The following IRF4 variants were observed in gnomAD, a reference collection of about 807,000 sequenced individuals.
IRF4 encodes lymphocyte-specific interferon regulatory factor.
Under a neutral mutation model 55.5 loss-of-function variants are expected in IRF4, and 13 were observed. The ratio of observed to expected loss-of-function variants is 0.23; its 90% CI spans 0.15 to 0.37. The LOEUF (loss-of-function observed/expected upper bound fraction) is 0.37, where lower values mean the gene tolerates loss of function less well. Among genes scored for constraint, IRF4 ranks in the 10% least tolerant of loss-of-function variants. The pLI is 1.00. For missense variants in IRF4, 397 were observed against 593.8 expected (o/e 0.67, Z 3.44); for synonymous variants, 249 against 240.7 (o/e 1.03, Z -0.32).
rs1263857437 is a variant in IRF4, at chr6:407,930, A to G, written c.*332A>G. The stretch of plus-strand genomic sequence containing the variant: ...AGCGGTTGAGGAGAATTGCGGCGAG[A>G]CAAGCATGGAAAATCAGTGACATCT... On this transcript the variant is annotated 3_prime_UTR_variant, in exon 9 of 9. Coordinates refer to ENST00000380956, the MANE Select transcript of IRF4 (RefSeq NM_002460.4). 2 of 320,398 alleles carry G rather than the reference A, an allele frequency of 6.2e-6. No individual in the cohort carries two copies. Among genetic ancestry groups the G allele is most frequent in the African/African-American group, 2.2e-5 (1 of 46,376 alleles). The allele number at this position is 320,398 out of a possible 1,614,324, so 19.8% of individuals were successfully genotyped here.
chr6:392,912 C>T (rs1056268153), intron 1 of IRF4, among the ~76,000 whole-genome samples, 186 bp from the exon 2 acceptor site: 4 of 151,446 alleles, frequency 2.6e-5, no homozygotes, highest in Non-Finnish European at 5.9e-5. Context: ...TGTGCCCGCC[C>T]AGGGGATGCG....
chr6:406,706 A>G (rs942517517), intron 8 of IRF4: 25 of 900,796 alleles, frequency 2.8e-5, no homozygotes, highest in Non-Finnish European at 3.6e-5. Flanking sequence ...TAAAATGAAT[A>G]AACACACGTG....
At position 408,005 on chromosome 6, in the gene IRF4, G is replaced by A. The variant is rs914246513; in HGVS notation, c.*407G>A. On this transcript the variant is annotated 3_prime_UTR_variant, in exon 9 of 9. Transcript: ENST00000380956. Reference sequence around the variant, plus strand: ...AAGGAAGGGTGGCTTTGCATTTCTTGTGTTCTGTAGACTGCCATCATTGAT... The same window carrying A: ...AAGGAAGGGTGGCTTTGCATTTCTTATGTTCTGTAGACTGCCATCATTGAT... The A allele has an allele frequency of 6.9e-6, 2 of 290,880 alleles. No homozygotes were observed. Among genetic ancestry groups the A allele is most frequent in the Admixed American group, 5.1e-5 (1 of 19,694 alleles). The allele number at this position is 290,880 out of a possible 1,614,324, so 18.0% of individuals were successfully genotyped here.
At chr6:398,544 A>T (rs913659857) in intron 5 of IRF4, among the ~76,000 whole-genome samples, 9 of 152,252 alleles carry the variant, frequency 5.9e-5, no homozygotes, top group Non-Finnish European at 7.3e-5. Flanking sequence ...TCTGTCTCTG[A>T]GCCTCAGTCT....
Position 395,238 on chromosome 6 carries a change from T to TG in IRF4, c.403+240dup, listed in dbSNP as rs11369013. On this transcript the variant is annotated intron_variant, in intron 3 of 8. Transcript: ENST00000380956. The stretch of plus-strand genomic sequence containing the variant: ...ATCACACTGTATGCCTCAATGTATA[T>TG]GGGGGGGGGTGCATTGAATATGTGT... 0.11 allele frequency among the ~76,000 whole-genome samples: 15,673 copies of TG among 144,314 alleles called. 970 individuals are homozygous for TG. The highest frequency in any genetic ancestry group is 0.17 in the Middle Eastern group (48 of 288). 94.7% of individuals were successfully genotyped at this position (144,314 alleles called of 152,430 possible).
At chr6:404,676 G>A (rs1581230477) in intron 7 of IRF4, among the ~76,000 whole-genome samples, 1 of 152,202 alleles carries the variant, frequency 6.6e-6, no homozygotes, top group Admixed American at 6.5e-5. Flanking sequence ...TTGCCATTGC[G>A]TGACTACGTT....
intron 1 of IRF4, among the ~76,000 whole-genome samples, chr6:392,436 G>A (rs1159497163): frequency 6.6e-6 from 1 of 152,202 alleles, no homozygotes; most frequent in African/African-American, 2.4e-5. Context: ...TCCGGGGTCC[G>A]GCGGACGCTC....
At chr6:395,235 A>G (rs1015309436) in intron 3 of IRF4, among the ~76,000 whole-genome samples, 9 of 142,312 alleles carry the variant, frequency 6.3e-5, no homozygotes, top group Non-Finnish European at 1.0e-4. Flanking sequence ...GCCTCAATGT[A>G]TATGGGGGGG....
At chr6:407,431 T>G in intron 8 of IRF4, 24 bp from the exon 9 acceptor site, 1 of 1,589,614 alleles carries the variant, frequency 6.3e-7, no homozygotes, top group Non-Finnish European at 8.5e-7. Context: ...CTCAGTAATG[T>G]CTTTTTAAAA....
intron 1 of IRF4, chr6:392,013 C>T (rs901559257): frequency 8.3e-6 from 3 of 363,282 alleles, no homozygotes; most frequent in African/African-American, 6.3e-5. Context: ...AGGCCCGCCT[C>T]CTTGGCTCTG....
Position 410,373 on chromosome 6 carries a change from C to T in IRF4, c.*2775C>T, listed in dbSNP as rs1016121311. ...TCATTTACAACTGAAACCTAGGAAG[C>T]CCCTGAGTCCTGAGCGAAAACAGGA... is the stretch of plus-strand genomic sequence containing the variant. On this transcript the variant is annotated 3_prime_UTR_variant, in exon 9 of 9. Transcript: ENST00000380956. The T allele has an allele frequency of 7.4e-5, 17 of 228,296 alleles. No individual in the cohort carries two copies. The highest frequency in any genetic ancestry group is 4.4e-5 in the African/African-American group (2 of 45,098). The allele number at this position is 228,296 out of a possible 1,614,324, so 14.1% of individuals were successfully genotyped here. A position where few individuals can be genotyped will look rare whatever the true frequency, so the allele number is the denominator to read the frequency against.
intron 2 of IRF4, 106 bp from the exon 3 acceptor site, chr6:394,715 A>T (rs1270080306): frequency 7.6e-6 from 8 of 1,056,560 alleles, no homozygotes; most frequent in Non-Finnish European, 6.9e-6. Context: ...TCATCGTGCC[A>T]CTGTACTCTA....
Position 409,225 on chromosome 6 carries a change from CATT to C in IRF4, c.*1631_*1633del, listed in dbSNP as rs1761628676. On this transcript the variant is annotated 3_prime_UTR_variant, in exon 9 of 9. Transcript: ENST00000380956. ...GCTTAGTGAGCAGTGAGCACTGAAA[CATT>C]ATTTTTTAATGTTTAAAAAGTTTCT... The C allele has an allele frequency of 5.0e-6, 1 of 198,962 alleles. No homozygotes were observed. The highest frequency in any genetic ancestry group is 7.7e-5 in the East Asian group (1 of 12,914). The allele number at this position is 198,962 out of a possible 1,614,324, so 12.3% of individuals were successfully genotyped here.
chr6:392,812 G>T lies in IRF4; in HGVS notation c.-55-286G>T, dbSNP rs1316613900. 3.3e-5 allele frequency among the ~76,000 whole-genome samples: 5 copies of T among 152,242 alleles called. 1 individual carries two copies. The highest frequency in any genetic ancestry group is 1.2e-4 in the African/African-American group (5 of 41,458). ...GGAGAGAGGGTGCAAGACGAGCGGC[G>T]CGTGTCGGGAGCCTTTGGGCTGCGG... On this transcript the variant is annotated intron_variant, in intron 1 of 8. Transcript: ENST00000380956.
At chr6:394,246 C>A (rs1037659222) in intron 2 of IRF4, among the ~76,000 whole-genome samples, 1 of 152,228 alleles carries the variant, frequency 6.6e-6, no homozygotes, top group East Asian at 1.9e-4. Flanking sequence ...CACTCAGACA[C>A]TGGGTGGGTA....
Position 407,585 on chromosome 6 carries a change from CTATTCA to C in IRF4, c.1344_1349del (p.Ile449_Gln450del). 1 of 1,595,202 alleles carries C rather than the reference CTATTCA, an allele frequency of 6.3e-7. No homozygotes were observed. Among genetic ancestry groups the C allele is most frequent in the Non-Finnish European group, 8.5e-7 (1 of 1,170,108 alleles). Reference sequence around the variant, plus strand: ...TACCACAGATCTATCCGCCATTCCTCTATTCAAGAATGAAAAATGTCAAGATGAGTG... The same window carrying C: ...TACCACAGATCTATCCGCCATTCCTCAGAATGAAAAATGTCAAGATGAGTG... On this transcript the variant is annotated inframe_deletion, in exon 9 of 9. Coordinates refer to ENST00000380956, the MANE Select transcript of IRF4 (RefSeq NM_002460.4).
Position 409,044 on chromosome 6 carries a change from C to T in IRF4, c.*1446C>T, listed in dbSNP as rs1761624543. 9.2e-6 allele frequency: 2 copies of T among 218,326 alleles called. No homozygotes were observed. The highest frequency in any genetic ancestry group is 1.8e-5 in the Non-Finnish European group (2 of 108,534). The allele number at this position is 218,326 out of a possible 1,614,324, so 13.5% of individuals were successfully genotyped here. A position where few individuals can be genotyped will look rare whatever the true frequency, so the allele number is the denominator to read the frequency against. The stretch of plus-strand genomic sequence containing the variant: ...CGTCACCTCCAGGCCGTTTCTCATA[C>T]TACAGGATATTTACTATTACTCCCA... On this transcript the variant is annotated 3_prime_UTR_variant, in exon 9 of 9. Transcript: ENST00000380956.
At chr6:406,340 G>A (rs774943586) in intron 8 of IRF4, among the ~76,000 whole-genome samples, 5 of 152,120 alleles carry the variant, frequency 3.3e-5, no homozygotes, top group East Asian at 1.9e-4. Context: ...TCAGGAGTTC[G>A]AGACCAGCCT....
intron 6 of IRF4, 90 bp downstream of exon 6, chr6:399,025 A>G: frequency 1.2e-6 from 1 of 817,040 alleles, no homozygotes; most frequent in Non-Finnish European, 1.9e-6. Context: ...ATGGGACTTT[A>G]GACACTTGCT....
Sources: allele counts gnomAD v4.1 joint callset (sites outside exome capture counted in the v4.1 genomes callset), GRCh38; gene constraint gnomAD v4.1.1; transcripts MANE v1.5; gene names NCBI Gene and HGNC (gene_info 2026-07-23, HGNC 2026-07-21).